MTM1: variants seen among roughly 807,000 people sequenced by gnomAD.
MTM1 encodes the protein myotubularin.
In MTM1, 9 loss-of-function variants were observed where a neutral mutation model predicts 52.1. The observed-to-expected ratio is 0.17, with a 90% CI of 0.10 to 0.30. The LOEUF is 0.30. Ranked by LOEUF, MTM1 falls within the 10% of genes least tolerant of loss-of-function variation. MTM1 has a pLI of 1.00. For synonymous variants in MTM1, 136 were observed against 163.8 expected, an observed-to-expected ratio of 0.83 and a Z score of 1.29; for missense variants, 277 against 470.7, an observed-to-expected ratio of 0.59 and a Z score of 3.81.
chrX:150,670,651 G>A (rs1386511539), intron 14 of MTM1, among the ~76,000 whole-genome samples: 1 of 112,127 alleles, frequency 8.9e-6, no homozygotes, highest in Admixed American at 9.4e-5. Context: ...GAACTGCCAG[G>A]TATCACCAGC....
chrX:150,647,783 C>T (rs1262548355), intron 9 of MTM1, among the ~76,000 whole-genome samples: 3 of 111,910 alleles, frequency 2.7e-5, no homozygotes, highest in South Asian at 3.7e-4. Flanking sequence ...CAACAAGCAA[C>T]GGCACATCAT....
chrX:150,572,769 T>A (rs917580649), intron 1 of MTM1, among the ~76,000 whole-genome samples: 1 of 112,477 alleles, frequency 8.9e-6, no homozygotes, highest in Non-Finnish European at 1.9e-5. Flanking sequence ...GGGGAAGAGA[T>A]GGTTGATAGC....
intron 14 of MTM1, among the ~76,000 whole-genome samples, chrX:150,666,768 C>T (rs1569565544): frequency 8.9e-6 from 1 of 111,864 alleles, no homozygotes; most frequent in Non-Finnish European, 1.9e-5. Flanking sequence ...CCAAAACCTC[C>T]TCCTCCTGCC....
chrX:150,625,623 C>T (rs2039554703), intron 6 of MTM1, among the ~76,000 whole-genome samples: 1 of 112,119 alleles, frequency 8.9e-6, no homozygotes, highest in Non-Finnish European at 1.9e-5. Context: ...GTTTTTCTTT[C>T]CATCTTTTGA....
intron 2 of MTM1, 40 bp from the exon 3 acceptor site, chrX:150,596,458 T>A (rs1557412605): frequency 9.3e-7 from 1 of 1,072,056 alleles, no homozygotes; most frequent in Non-Finnish European, 1.3e-6. Flanking sequence ...AGTGTGTAAA[T>A]GTAACGTCAT....
intron 2 of MTM1, among the ~76,000 whole-genome samples, 164 bp downstream of exon 2, chrX:150,592,841 A>G (rs2038909484): frequency 1.8e-5 from 2 of 110,087 alleles, no homozygotes; most frequent in South Asian, 7.7e-4. Context: ...CTTGTTCTAG[A>G]AAAGCTTTTT....
intron 9 of MTM1, 103 bp downstream of exon 9, chrX:150,645,974 A>G: frequency 1.3e-6 from 1 of 754,256 alleles, no homozygotes; most frequent in South Asian, 2.3e-5. Flanking sequence ...GGTTTAAATT[A>G]ATAGTTAAGA....
chrX:150,671,416 G>A lies in MTM1; in HGVS notation c.1645-12G>A. The A allele has an allele frequency of 4.1e-6, 5 of 1,211,251 alleles. No homozygotes were observed. Among genetic ancestry groups the A allele is most frequent in the Non-Finnish European group, 5.6e-6 (5 of 895,240 alleles). ...GGCATAAAGTGTAACTCAAGTCTCT[G>A]GTTCTCTCCAGCAGCCGAATCCAGT... On this transcript the variant is annotated splice_polypyrimidine_tract_variant and intron_variant, in intron 14 of 14. Coordinates refer to ENST00000370396, the MANE Select transcript of MTM1 (RefSeq NM_000252.3).
chrX:150,618,595 A>G (rs2039425239), intron 5 of MTM1, among the ~76,000 whole-genome samples: 1 of 111,491 alleles, frequency 9.0e-6, no homozygotes, highest in South Asian at 3.8e-4. Context: ...TGGAGGTTGC[A>G]GTGAGCCGAG....
intron 2 of MTM1, among the ~76,000 whole-genome samples, chrX:150,595,837 T>G (rs2038966627): frequency 8.9e-6 from 1 of 112,455 alleles, no homozygotes; most frequent in Admixed American, 9.4e-5. Flanking sequence ...TGGGAATACC[T>G]CTAAAGCCAG....
In MTM1 at chrX:150,618,999, T is replaced by C; in HGVS notation, c.343-39T>C. Reference sequence around the variant, plus strand: ...TTTCTTGCTAATTAACATGACTTTCTTTGAAGACTGAACTGTCATACTTCT... The same window carrying C: ...TTTCTTGCTAATTAACATGACTTTCCTTGAAGACTGAACTGTCATACTTCT... On this transcript the variant is annotated intron_variant, in intron 5 of 14. Coordinates refer to ENST00000370396, the MANE Select transcript of MTM1 (RefSeq NM_000252.3). 3 of 988,214 alleles carry C rather than the reference T, an allele frequency of 3.0e-6. No individual in the cohort carries two copies. The South Asian group carries it at 5.7e-5, about 19-fold the overall frequency. 81.4% of individuals were successfully genotyped at this position (988,214 alleles called of 1,213,427 possible). A position where few individuals can be genotyped will look rare whatever the true frequency, so the allele number is the denominator to read the frequency against.
At chrX:150,568,699 G>C (rs1302858349) in intron 1 of MTM1, 37 bp downstream of exon 1, 1 of 113,150 alleles carries the variant, frequency 8.8e-6, no homozygotes, top group African/African-American at 3.2e-5. Flanking sequence ...GCTCGGAGCC[G>C]GGCACTGCGG....
rs782406378 is a variant in MTM1, at chrX:150,608,589, T to C, written c.232-6000T>C. On this transcript the variant is annotated intron_variant, in intron 4 of 14. Coordinates refer to ENST00000370396, the MANE Select transcript of MTM1 (RefSeq NM_000252.3). ...AACGTGTTTTGAAATACATACACAT[T>C]GTAGAATGAGTCAATCAAGCTACTT... Among the ~76,000 whole-genome samples, 28 of 111,900 alleles carry C rather than the reference T, an allele frequency of 2.5e-4. No homozygotes were observed. In the South Asian group the frequency reaches 7.9e-3, roughly 31 times the overall value.
rs143104899 is a variant in MTM1, at chrX:150,599,228, A to G, written c.231+542A>G. On this transcript the variant is annotated intron_variant, in intron 4 of 14. Coordinates refer to ENST00000370396, the MANE Select transcript of MTM1 (RefSeq NM_000252.3). ...GTAGCAGTGTAGAACTAGGATGACT[A>G]TGGTATGGCTTACTGCCACTCTACC... Among the ~76,000 whole-genome samples the G allele has an allele frequency of 5.7e-4, 64 of 111,991 alleles. 1 individual carries two copies. In the East Asian group the frequency reaches 0.018, roughly 31 times the overall value.
chrX:150,637,753 C>T (rs782655703), intron 6 of MTM1, among the ~76,000 whole-genome samples: 2 of 111,839 alleles, frequency 1.8e-5, no homozygotes, highest in East Asian at 5.7e-4. Flanking sequence ...GAATAGTAGC[C>T]GCAAAGGCCC....
chrX:150,646,021 CAA>C, intron 9 of MTM1, 150 bp downstream of exon 9: 1 of 531,998 alleles, frequency 1.9e-6, no homozygotes, highest in Non-Finnish European at 3.1e-6. Context: ...GTTTTAATCA[CAA>C]AACTTAAACA....
intron 5 of MTM1, among the ~76,000 whole-genome samples, chrX:150,618,729 C>T (rs1331780452): frequency 3.6e-5 from 4 of 111,424 alleles, no homozygotes; most frequent in Non-Finnish European, 7.5e-5. Context: ...GATGGATCAT[C>T]GTAGATGTTG....
intron 1 of MTM1, among the ~76,000 whole-genome samples, chrX:150,585,278 T>C (rs1390620330): frequency 9.0e-6 from 1 of 111,728 alleles, no homozygotes; most frequent in East Asian, 2.8e-4. Context: ...GTTTTCTAGA[T>C]ACTGTGCACA....
At chrX:150,627,072 T>A (rs1216419030) in intron 6 of MTM1, among the ~76,000 whole-genome samples, 1 of 111,368 alleles carries the variant, frequency 9.0e-6, no homozygotes, top group Non-Finnish European at 1.9e-5. Context: ...CCTGTAGCAT[T>A]GTTGTCTATG....
Sources: gnomAD v4.1 joint callset for allele counts (sites outside exome capture counted in the v4.1 genomes callset) on GRCh38, gnomAD v4.1.1 for gene constraint, MANE v1.5 for transcripts, NCBI Gene and HGNC (gene_info 2026-07-23, HGNC 2026-07-21) for gene names.